ENOPH1: variants seen among roughly 807,000 people sequenced by gnomAD.
ENOPH1 encodes the protein enolase-phosphatase E1.
A neutral mutation model predicts 31.1 loss-of-function variants in ENOPH1; 14 were observed. That is an observed-to-expected ratio of 0.45 (90% CI 0.30 to 0.70). The LOEUF is 0.70. Ranked by LOEUF, ENOPH1 falls within the 30% of genes least tolerant of loss-of-function variation. The probability of loss-of-function intolerance (pLI) is 0.09; values close to 1 mark genes in which losing one functional copy is unlikely to be tolerated. For synonymous variants in ENOPH1, 127 were observed against 123.2 expected (o/e 1.03, Z -0.21); for missense variants, 243 against 321.5 (o/e 0.76, Z 1.87).
At chr4:82,448,143 A>G (rs558035082) in intron 2 of ENOPH1, 122 bp downstream of exon 2, 85 of 547,026 alleles carry the variant, frequency 1.6e-4, no homozygotes, top group African/African-American at 1.5e-3. Context: ...TAGAAGTTGC[A>G]GTGACTTAGT....
At chr4:82,430,986 C>A in intron 1 of ENOPH1, 73 bp downstream of exon 1, 1 of 1,397,790 alleles carries the variant, frequency 7.2e-7, no homozygotes, top group South Asian at 1.2e-5. Context: ...GTATTTCAGG[C>A]CTTGCATTGG....
chr4:82,442,607 A>G (rs181289815), intron 1 of ENOPH1, among the ~76,000 whole-genome samples: 125 of 152,308 alleles, frequency 8.2e-4, no homozygotes, highest in Non-Finnish European at 1.3e-3. Context: ...TATTAAGGTT[A>G]TACATTTTTA....
chr4:82,441,694 C>T (rs1165033880), intron 1 of ENOPH1, among the ~76,000 whole-genome samples: 4 of 152,102 alleles, frequency 2.6e-5, no homozygotes, highest in Non-Finnish European at 5.9e-5. Context: ...ACTCCCAGCA[C>T]TTTGAGAGGT....
chr4:82,450,546 C>G (rs1394675800), intron 2 of ENOPH1, among the ~76,000 whole-genome samples: 1 of 152,204 alleles, frequency 6.6e-6, no homozygotes, highest in South Asian at 2.1e-4. Context: ...GGTCATTGTT[C>G]TAAGTGGCTA....
intron 5 of ENOPH1, among the ~76,000 whole-genome samples, chr4:82,457,549 G>A (rs1324119439): frequency 6.6e-6 from 1 of 152,180 alleles, no homozygotes; most frequent in Non-Finnish European, 1.5e-5. Context: ...TGCATGTGGG[G>A]AAGTGGCATT....
chr4:82,439,390 T>A (rs1274551485), intron 1 of ENOPH1, among the ~76,000 whole-genome samples: 1 of 152,182 alleles, frequency 6.6e-6, no homozygotes, highest in African/African-American at 2.4e-5. Context: ...ACTTTGGAGC[T>A]CACAATCAGA....
chr4:82,460,074 G>T lies in ENOPH1; in HGVS notation c.740G>T (p.Ser247Ile). 6.2e-7 allele frequency: 1 copy of T among 1,614,144 alleles called. No homozygotes were observed. The change falls in exon 6 of 6, where the codon AGC (serine) becomes ATC (isoleucine). Residue 247 changes from serine (S) to isoleucine (I), a missense_variant. Ser to Ile is a moderately radical substitution (Grantham distance 142). Transcript: ENST00000273920. ...ACAGATGATGAGAAGACTTACTACA[G>T]CCTCATCACATCCTTCAGTGAACTA... ...GLTDDEKTYY[S>I]LITSFSELYL... is the part of the protein sequence containing the mutation.
chr4:82,433,902 T>A (rs979759723), intron 1 of ENOPH1, among the ~76,000 whole-genome samples: 13 of 152,188 alleles, frequency 8.5e-5, no homozygotes, highest in African/African-American at 3.1e-4. Context: ...AGCATGGGAG[T>A]TGAAAGATAA....
intron 2 of ENOPH1, among the ~76,000 whole-genome samples, chr4:82,448,592 T>C (rs1578099582): frequency 6.6e-6 from 1 of 151,124 alleles, no homozygotes; most frequent in East Asian, 2.0e-4. Context: ...TTTGCAAATA[T>C]ATGATATTGT....
chr4:82,432,873 G>A (rs1025935535), intron 1 of ENOPH1, among the ~76,000 whole-genome samples: 1 of 152,212 alleles, frequency 6.6e-6, no homozygotes, highest in African/African-American at 2.4e-5. Flanking sequence ...GCCTCCCAAA[G>A]TGCTGGGATT....
At chr4:82,449,239 CA>C (rs199719669) in intron 2 of ENOPH1, among the ~76,000 whole-genome samples, 2 of 150,394 alleles carry the variant, frequency 1.3e-5, no homozygotes, top group Admixed American at 6.6e-5. Flanking sequence ...GACTCCGTCT[CA>C]AAAAAAAAGA....
At chr4:82,441,386 G>C (rs1722035186) in intron 1 of ENOPH1, among the ~76,000 whole-genome samples, 1 of 152,174 alleles carries the variant, frequency 6.6e-6, no homozygotes, top group Non-Finnish European at 1.5e-5. Context: ...TGTTTGGGAG[G>C]CCAAGGTGGG....
chr4:82,434,651 T>C (rs905988526), intron 1 of ENOPH1, among the ~76,000 whole-genome samples: 2 of 151,884 alleles, frequency 1.3e-5, no homozygotes, highest in South Asian at 2.1e-4. Context: ...GAGGTGGAGG[T>C]TGCAGTGAGC....
intron 1 of ENOPH1, among the ~76,000 whole-genome samples, chr4:82,445,981 C>G (rs1450824588): frequency 3.3e-5 from 5 of 152,146 alleles, no homozygotes; most frequent in African/African-American, 1.2e-4. Flanking sequence ...ACTCCAGTGT[C>G]CTGCTCTCTG....
In ENOPH1 at chr4:82,448,038, C is replaced by G. The variant is rs1722240764; in HGVS notation, c.186+17C>G. 1.9e-6 allele frequency: 3 copies of G among 1,545,236 alleles called. No homozygotes were observed. Among genetic ancestry groups the G allele is most frequent in the Non-Finnish European group, 8.9e-7 (1 of 1,121,022 alleles). On this transcript the variant is annotated intron_variant, in intron 2 of 5. Transcript: ENST00000273920. ...AGGAAACAGGTTGGGACATTTCTGT[C>G]TTAAATTCCCAAGTGTCTTAGAAAT...
chr4:82,459,452 C>T (rs375514801), intron 5 of ENOPH1, among the ~76,000 whole-genome samples: 27 of 152,230 alleles, frequency 1.8e-4, no homozygotes, highest in African/African-American at 5.5e-4. Context: ...CCACCACGCC[C>T]GGCTAATTTT....
chr4:82,445,341 AG>A (rs1490692927), intron 1 of ENOPH1, among the ~76,000 whole-genome samples: 1 of 152,246 alleles, frequency 6.6e-6, no homozygotes, highest in African/African-American at 2.4e-5. Context: ...GTATGTTGAA[AG>A]ATTGGATAAA....
chr4:82,456,087 C>T (rs1722485202), intron 4 of ENOPH1, among the ~76,000 whole-genome samples: 1 of 151,352 alleles, frequency 6.6e-6, no homozygotes, highest in Non-Finnish European at 1.5e-5. Flanking sequence ...ACAATCATGA[C>T]AGGACAAAAG....
Position 82,447,768 on chromosome 4 carries a change from G to C in ENOPH1, c.85-152G>C, listed in dbSNP as rs548094149. On this transcript the variant is annotated intron_variant, in intron 1 of 5. Coordinates refer to ENST00000273920, the MANE Select transcript of ENOPH1 (RefSeq NM_021204.5). ...CTAGTTTATTTGTTTCTTGGCCTCT[G>C]TCTCTCTTTCTTGCTCATATTCACA... is the stretch of plus-strand genomic sequence containing the variant. The C allele has an allele frequency of 1.5e-5, 7 of 463,000 alleles. No individual in the cohort carries two copies. The South Asian group carries it at 2.4e-4, about 16-fold the overall frequency. The allele number at this position is 463,000 out of a possible 1,614,324, so 28.7% of individuals were successfully genotyped here.
Sources: allele counts gnomAD v4.1 joint callset (sites outside exome capture counted in the v4.1 genomes callset), GRCh38; gene constraint gnomAD v4.1.1; transcripts MANE v1.5; gene names NCBI Gene and HGNC (gene_info 2026-07-23, HGNC 2026-07-21).